The following SPG21 variants were observed in gnomAD, a reference collection of about 807,000 sequenced individuals.
SPG21 encodes SPG21 abhydrolase domain containing, maspardin.
In SPG21, 26 loss-of-function variants were observed where a neutral mutation model predicts 38.9. That is an observed-to-expected ratio of 0.67 (90% confidence interval 0.49 to 0.93). SPG21 has a LOEUF of 0.93. Ranked by LOEUF, SPG21 falls within the 40% of genes least tolerant of loss-of-function variation. The pLI is 0.00. For synonymous variants in SPG21, 136 were observed against 128.9 expected, an observed-to-expected ratio of 1.05 and a Z score of -0.37; for missense variants, 333 against 376.5, an observed-to-expected ratio of 0.88 and a Z score of 0.96.
At chr15:64,974,486 CAAGG>C in intron 5 of SPG21, 112 bp downstream of exon 5, 1 of 1,282,094 alleles carries the variant, frequency 7.8e-7, no homozygotes, top group Non-Finnish European at 1.1e-6. Flanking sequence ...AAAAAAAAGC[CAAGG>C]AAGTTGCAGA....
At chr15:64,970,043 ATCT>A in intron 6 of SPG21, 68 bp downstream of exon 6, 1 of 1,217,020 alleles carries the variant, frequency 8.2e-7, no homozygotes, top group Non-Finnish European at 1.2e-6. Context: ...AGACAGATCT[ATCT>A]TCTGGAACCA....
intron 5 of SPG21, among the ~76,000 whole-genome samples, chr15:64,971,056 A>C (rs2085649913): frequency 6.6e-6 from 1 of 152,000 alleles, no homozygotes; most frequent in African/African-American, 2.4e-5. Context: ...TTTTTAATTA[A>C]AAAATTTAAA....
chr15:64,964,887 C>T (rs1357157736), intron 8 of SPG21, among the ~76,000 whole-genome samples: 2 of 152,100 alleles, frequency 1.3e-5, no homozygotes, highest in Non-Finnish European at 1.5e-5. Context: ...GCCTCAGCCT[C>T]GCAAAGTGCT....
chr15:64,982,800 T>C (rs1045481781), intron 2 of SPG21: 2 of 152,208 alleles, frequency 1.3e-5, no homozygotes, highest in African/African-American at 4.8e-5. Flanking sequence ...AGAATGAGTA[T>C]GTCATTGCAA....
chr15:64,969,537 G>A (rs562506790), intron 6 of SPG21, among the ~76,000 whole-genome samples, 175 bp from the exon 7 acceptor site: 3 of 152,166 alleles, frequency 2.0e-5, no homozygotes, highest in Non-Finnish European at 2.9e-5. Context: ...CTTCTCAGGA[G>A]GTTGTGGCAT....
intron 3 of SPG21, among the ~76,000 whole-genome samples, chr15:64,979,300 C>T (rs911994916): frequency 3.9e-5 from 6 of 152,128 alleles, no homozygotes; most frequent in Non-Finnish European, 7.3e-5. Flanking sequence ...ATGGGTTGCT[C>T]GGTTTCCCCC....
intron 1 of SPG21, chr15:64,988,839 G>A (rs142000493): frequency 1.3e-3 from 204 of 152,316 alleles, no homozygotes; most frequent in Non-Finnish European, 2.5e-3. Context: ...AAAATTAGCC[G>A]GGCGTGGTGG....
chr15:64,987,249 C>T (rs1566933898), intron 1 of SPG21: 1 of 152,188 alleles, frequency 6.6e-6, no homozygotes, highest in Non-Finnish European at 1.5e-5. Context: ...GGAGAGATTC[C>T]ACTCCGCTGT....
chr15:64,986,047 C>A (rs1437894162), intron 1 of SPG21, among the ~76,000 whole-genome samples: 7 of 152,112 alleles, frequency 4.6e-5, no homozygotes, highest in Non-Finnish European at 1.0e-4. Flanking sequence ...AAAGAAAATT[C>A]TTTGCATATC....
At chr15:64,976,832 TGAAA>T (rs1375688405) in intron 3 of SPG21, among the ~76,000 whole-genome samples, 2 of 152,202 alleles carry the variant, frequency 1.3e-5, no homozygotes, top group African/African-American at 2.4e-5. Context: ...TCTAAATAGC[TGAAA>T]AAGTCTGGGG....
intron 2 of SPG21, 97 bp downstream of exon 2, chr15:64,983,410 C>A (rs903595384): frequency 1.1e-6 from 1 of 871,816 alleles, no homozygotes; most frequent in Non-Finnish European, 1.9e-6. Context: ...TCGGCAGTAA[C>A]CTTTACTCTC....
At chr15:64,977,309 A>C (rs4368116) in intron 3 of SPG21, among the ~76,000 whole-genome samples, 150,253 of 152,262 alleles carry the variant, frequency 0.99, 74,163 homozygotes, top group East Asian at 1. Flanking sequence ...AAGTGATCTA[A>C]CTGCCTTGGC....
chr15:64,971,284 A>G (rs1280053061), intron 5 of SPG21, among the ~76,000 whole-genome samples: 1 of 152,098 alleles, frequency 6.6e-6, no homozygotes, highest in Non-Finnish European at 1.5e-5. Context: ...TCATGCCTGT[A>G]ATCCCAGCAC....
chr15:64,988,814 C>G (rs2086054005), intron 1 of SPG21: 1 of 152,188 alleles, frequency 6.6e-6, no homozygotes, highest in African/African-American at 2.4e-5. Context: ...AACCCCGTCT[C>G]TACTAAAAAT....
intron 8 of SPG21, among the ~76,000 whole-genome samples, 193 bp from the exon 9 acceptor site, chr15:64,963,929 G>A (rs1271505520): frequency 6.6e-6 from 1 of 151,912 alleles, no homozygotes; most frequent in African/African-American, 2.4e-5. Flanking sequence ...GCTAATTTTT[G>A]TATTTTTAGT....
At chr15:64,967,614 C>T (rs1352064277) in intron 7 of SPG21, among the ~76,000 whole-genome samples, 2 of 152,174 alleles carry the variant, frequency 1.3e-5, no homozygotes, top group Non-Finnish European at 2.9e-5. Flanking sequence ...GCTGGGACTA[C>T]AGGTGTGTGC....
rs528530175 is a variant in SPG21 at position 64,968,983 on chromosome 15, C to A, written c.669+272G>T. ...TCCTGAACTCTTGGACTCAAGCAAT[C>A]CTCCTGCCTCAGCCTCCCAAAGCGC... On this transcript the variant is annotated intron_variant, in intron 7 of 8. Coordinates refer to ENST00000204566, the MANE Select transcript of SPG21 (RefSeq NM_016630.7). 2.0e-5 allele frequency among the ~76,000 whole-genome samples: 3 copies of A among 152,240 alleles called. No homozygotes were observed. The East Asian group carries it at 5.8e-4, about 29-fold the overall frequency.
intron 1 of SPG21, among the ~76,000 whole-genome samples, chr15:64,984,874 T>C: frequency 6.6e-6 from 1 of 151,518 alleles, no homozygotes; most frequent in East Asian, 1.9e-4. Context: ...CTCAGCCTCC[T>C]GAGTAGCTGG....
chr15:64,979,845 CAA>C (rs71136305), intron 3 of SPG21, among the ~76,000 whole-genome samples: 7 of 89,550 alleles, frequency 7.8e-5, no homozygotes, highest in African/African-American at 2.5e-4. Context: ...TGGAAGCATG[CAA>C]AAAAAAAAAA....
Sources: gnomAD v4.1 joint callset for allele counts (sites outside exome capture counted in the v4.1 genomes callset) on GRCh38, gnomAD v4.1.1 for gene constraint, MANE v1.5 for transcripts, NCBI Gene and HGNC (gene_info 2026-07-23, HGNC 2026-07-21) for gene names.